Variants in ACOXL observed in about 807,000 individuals in gnomAD.
The protein encoded by ACOXL is acyl-CoA oxidase like.
A neutral mutation model predicts 71.9 loss-of-function variants in ACOXL; 70 were observed. That is an observed-to-expected ratio of 0.97 (90% CI 0.80 to 1.19). The LOEUF (loss-of-function observed/expected upper bound fraction) is 1.19, where lower values mean the gene tolerates loss of function less well. Ranked by LOEUF, ACOXL falls within the 50% of genes most tolerant of loss-of-function variation. The pLI is 0.00. For synonymous variants in ACOXL, 253 were observed against 281.6 expected (o/e 0.90, Z 1.02); for missense variants, 703 against 736.3 (o/e 0.95, Z 0.52).
At chr2:110,810,284 A>G (rs771325007) in intron 9 of ACOXL, among the ~76,000 whole-genome samples, 28 of 152,136 alleles carry the variant, frequency 1.8e-4, no homozygotes, top group Non-Finnish European at 4.0e-4. Context: ...GTGTTCATCT[A>G]TTCTTGTCAC....
intron 9 of ACOXL, among the ~76,000 whole-genome samples, chr2:110,830,348 G>T: frequency 6.6e-6 from 1 of 151,964 alleles, no homozygotes; most frequent in East Asian, 1.9e-4. Flanking sequence ...CATCTACATT[G>T]TGTCTGCAGT....
At chr2:110,981,585 A>G (rs926674097) in intron 12 of ACOXL, among the ~76,000 whole-genome samples, 49 of 152,258 alleles carry the variant, frequency 3.2e-4, no homozygotes, top group African/African-American at 1.2e-3. Context: ...TAGATGCTCA[A>G]AGAAAATGAG....
At chr2:110,834,575 G>T (rs1172278531) in intron 9 of ACOXL, among the ~76,000 whole-genome samples, 2 of 152,240 alleles carry the variant, frequency 1.3e-5, no homozygotes, top group Non-Finnish European at 2.9e-5. Flanking sequence ...GCTCTGTCCT[G>T]CCATAGTCCC....
At chr2:110,987,305 C>A in intron 13 of ACOXL, 88 bp downstream of exon 13, 1 of 1,262,200 alleles carries the variant, frequency 7.9e-7, no homozygotes, top group Non-Finnish European at 1.1e-6. Context: ...CTCACTCTTG[C>A]TTGAAATTTT....
At chr2:110,989,125 A>G (rs1244779695) in intron 13 of ACOXL, among the ~76,000 whole-genome samples, 1 of 151,970 alleles carries the variant, frequency 6.6e-6, no homozygotes, top group Non-Finnish European at 1.5e-5. Flanking sequence ...TGAAAGTCTC[A>G]CCTTTTACAT....
intron 12 of ACOXL, among the ~76,000 whole-genome samples, chr2:110,945,434 A>G (rs1346445555): frequency 3.3e-5 from 5 of 151,542 alleles, no homozygotes; most frequent in Non-Finnish European, 5.9e-5. Context: ...TATGTCCAGA[A>G]TGGCATTTCC....
intron 16 of ACOXL, among the ~76,000 whole-genome samples, chr2:111,084,104 A>G (rs761808995): frequency 1.2e-4 from 19 of 152,238 alleles, no homozygotes; most frequent in Non-Finnish European, 2.2e-4. Flanking sequence ...AGGGGGAAGG[A>G]TCGCTTGAGC....
chr2:111,013,821 C>G (rs941743987), intron 14 of ACOXL, among the ~76,000 whole-genome samples: 1 of 151,662 alleles, frequency 6.6e-6, no homozygotes, highest in East Asian at 1.9e-4. Flanking sequence ...TTAGTAAGTA[C>G]AGTACAAAGA....
chr2:110,953,274 G>A (rs1251085095), intron 12 of ACOXL, among the ~76,000 whole-genome samples: 1 of 151,142 alleles, frequency 6.6e-6, no homozygotes, highest in African/African-American at 2.4e-5. Context: ...TACACTAGTG[G>A]CTTTTTTTTT....
At chr2:110,826,185 T>C (rs17041561) in intron 9 of ACOXL, among the ~76,000 whole-genome samples, 7,540 of 152,326 alleles carry the variant, frequency 0.049, 310 homozygotes, top group African/African-American at 0.1. Context: ...CCCTCTCCTA[T>C]AATTCCTCTT....
At chr2:111,089,534 G>A (rs188601889) in intron 16 of ACOXL, among the ~76,000 whole-genome samples, 23 of 152,252 alleles carry the variant, frequency 1.5e-4, no homozygotes, top group Admixed American at 1.4e-3. Context: ...ACTTAACCAA[G>A]AGTCATAAAG....
intron 9 of ACOXL, among the ~76,000 whole-genome samples, chr2:110,818,409 A>C (rs998664756): frequency 6.8e-5 from 7 of 103,276 alleles, no homozygotes; most frequent in Non-Finnish European, 1.1e-4. Context: ...AAAAAAAAAA[A>C]CATATATATA....
At chr2:111,115,102 A>G (rs1181059562) in intron 17 of ACOXL, among the ~76,000 whole-genome samples, 9 of 152,192 alleles carry the variant, frequency 5.9e-5, no homozygotes, top group African/African-American at 2.2e-4. Context: ...TTTAAAGTAT[A>G]CCTATTCATT....
At position 111,117,895 on chromosome 2, in the gene ACOXL, G is replaced by A; in HGVS notation, c.*79G>A. 1 of 1,449,238 alleles carries A rather than the reference G, an allele frequency of 6.9e-7. No individual in the cohort carries two copies. Among genetic ancestry groups the A allele is most frequent in the Non-Finnish European group, 9.2e-7 (1 of 1,092,708 alleles). 89.8% of individuals were successfully genotyped at this position (1,449,238 alleles called of 1,614,324 possible). A position where few individuals can be genotyped will look rare whatever the true frequency, so the allele number is the denominator to read the frequency against. On this transcript the variant is annotated 3_prime_UTR_variant, in exon 18 of 18. Coordinates refer to ENST00000439055, the MANE Select transcript of ACOXL (RefSeq NM_001142807.4). ...CACCGACGCCCAGAGCTGTGGCCGA[G>A]GCCGGGGGCTGGCACCCGCTGGGCC...
At chr2:111,065,539 C>CA (rs1278819888) in intron 16 of ACOXL, among the ~76,000 whole-genome samples, 3 of 152,142 alleles carry the variant, frequency 2.0e-5, no homozygotes, top group African/African-American at 4.8e-5. Flanking sequence ...AAATTAAAAG[C>CA]ATTTGTTCTG....
intron 1 of ACOXL, among the ~76,000 whole-genome samples, chr2:110,739,608 C>G (rs1344098864): frequency 6.6e-6 from 1 of 152,208 alleles, no homozygotes; most frequent in Non-Finnish European, 1.5e-5. Context: ...CCAGTGTTCC[C>G]CATGTGGGTC....
Position 110,788,898 on chromosome 2 carries a change from G to A in ACOXL, c.159+4083G>A, listed in dbSNP as rs181386402. On this transcript the variant is annotated intron_variant, in intron 3 of 17. Transcript: ENST00000439055. ...TCCTGTGAGCTCTGGGTCAGTCAGG[G>A]GTTCCCCAGATCCCCCTGCCAGCTC... is the stretch of plus-strand genomic sequence containing the variant. Among the ~76,000 whole-genome samples, 158 of 152,322 alleles carry A rather than the reference G, an allele frequency of 1.0e-3. 1 individual carries two copies. Among genetic ancestry groups the A allele is most frequent in the African/African-American group, 3.6e-3 (151 of 41,568 alleles).
intron 2 of ACOXL, 49 bp downstream of exon 2, chr2:110,768,513 T>TGAGA (rs1170772823): frequency 3.1e-4 from 288 of 929,192 alleles, no homozygotes; most frequent in South Asian, 1.9e-3. Flanking sequence ...TGTGTGTGTG[T>TGAGA]GAGAGAGAGA....
chr2:111,018,851 C>T (rs1377504828), intron 14 of ACOXL, among the ~76,000 whole-genome samples: 2 of 152,088 alleles, frequency 1.3e-5, no homozygotes, highest in Non-Finnish European at 2.9e-5. Flanking sequence ...TTAGCACTTC[C>T]CTTGCCAGTC....
Sources: gnomAD v4.1 joint callset for allele counts (sites outside exome capture counted in the v4.1 genomes callset) on GRCh38, gnomAD v4.1.1 for gene constraint, MANE v1.5 for transcripts, NCBI Gene and HGNC (gene_info 2026-07-23, HGNC 2026-07-21) for gene names.